Variants in SFMBT1 observed in about 807,000 individuals in gnomAD.
SFMBT1 encodes the protein Scm like with four mbt domains 1.
A neutral mutation model predicts 108.7 loss-of-function variants in SFMBT1; 32 were observed. The observed-to-expected ratio is 0.29, with a 90% CI of 0.22 to 0.40. The LOEUF is 0.40. Among genes scored for constraint, SFMBT1 ranks in the 10% least tolerant of loss-of-function variants. The pLI is 1.00. For synonymous variants in SFMBT1, 348 were observed against 369.5 expected, an observed-to-expected ratio of 0.94 and a Z score of 0.67; for missense variants, 816 against 1,059.6, an observed-to-expected ratio of 0.77 and a Z score of 3.19.
intron 16 of SFMBT1, among the ~76,000 whole-genome samples, chr3:52,911,447 T>C (rs1210754371): frequency 6.6e-6 from 1 of 152,204 alleles, no homozygotes; most frequent in Non-Finnish European, 1.5e-5. Context: ...GGTTTTCAAA[T>C]AGTAATTTCA....
At chr3:52,910,792 A>G (rs1036125570) in intron 17 of SFMBT1, among the ~76,000 whole-genome samples, 2 of 152,302 alleles carry the variant, frequency 1.3e-5, no homozygotes, top group African/African-American at 2.4e-5. Flanking sequence ...CCCGGCCAAA[A>G]GGGTTCTTAA....
chr3:53,008,302 C>T (rs982131910), intron 1 of SFMBT1, among the ~76,000 whole-genome samples: 8 of 152,234 alleles, frequency 5.3e-5, no homozygotes, highest in African/African-American at 1.9e-4. Flanking sequence ...AGGCGGACAA[C>T]TCCAACGGTT....
At chr3:53,023,787 G>T (rs1293651722) in intron 1 of SFMBT1, among the ~76,000 whole-genome samples, 1 of 152,098 alleles carries the variant, frequency 6.6e-6, no homozygotes, top group Non-Finnish European at 1.5e-5. Context: ...CTTTCTTTTT[G>T]TAAACAATTC....
At chr3:52,982,729 CAAAAAA>C (rs34099481) in intron 1 of SFMBT1, among the ~76,000 whole-genome samples, 9 of 69,108 alleles carry the variant, frequency 1.3e-4, no homozygotes, top group African/African-American at 3.2e-4. Context: ...ACTCCCATCT[CAAAAAA>C]AAAAAAAAAA....
chr3:52,907,164 T>A lies in SFMBT1; in HGVS notation c.2236A>T (p.Ile746Leu), dbSNP rs371159611. ...SCSSSPTQSEISTSLPPDRQR... is the reference protein window; with the variant it reads ...SCSSSPTQSELSTSLPPDRQR... ...CTATCTGGAGGCAGCGATGTGGATA[T>A]CTCACTTTGGGTGGGAGAAGAGGAG... is the stretch of plus-strand genomic sequence containing the variant. The change falls in exon 19 of 21, where the codon ATA (isoleucine) becomes TTA (leucine). Residue 746 changes from isoleucine to leucine, a missense_variant. By Grantham distance (5) the Ile-to-Leu change is conservative (BLOSUM62 2). Transcript: ENST00000394752. 2.5e-6 allele frequency: 4 copies of A among 1,614,082 alleles called. No individual in the cohort carries two copies. The African/African-American group carries it at 5.3e-5, about 22-fold the overall frequency.
intron 7 of SFMBT1, 103 bp downstream of exon 7, chr3:52,930,838 C>T: frequency 7.2e-6 from 6 of 833,138 alleles, no homozygotes; most frequent in Non-Finnish European, 1.2e-5. Flanking sequence ...GAGACCATGG[C>T]ATTCTTACCG....
intron 6 of SFMBT1, among the ~76,000 whole-genome samples, 171 bp downstream of exon 6, chr3:52,931,891 A>G (rs1702869846): frequency 6.6e-6 from 1 of 152,202 alleles, no homozygotes; most frequent in African/African-American, 2.4e-5. Context: ...ACAACAAAAA[A>G]GAAAAATAGG....
At chr3:53,039,812 C>G (rs749349638) in intron 1 of SFMBT1, among the ~76,000 whole-genome samples, 1 of 151,370 alleles carries the variant, frequency 6.6e-6, no homozygotes, top group African/African-American at 2.4e-5. Flanking sequence ...TTTTGGTATA[C>G]TTTTTTTTTA....
rs960070562 is a variant in SFMBT1, at chr3:52,997,535, C to CA, written c.-130-28278dup. 4.5e-4 allele frequency among the ~76,000 whole-genome samples: 58 copies of CA among 127,768 alleles called. 2 individuals are homozygous for CA. Among genetic ancestry groups the CA allele is most frequent in the Admixed American group, 8.1e-4 (10 of 12,418 alleles). 83.8% of individuals were successfully genotyped at this position (127,768 alleles called of 152,430 possible). A position where few individuals can be genotyped will look rare whatever the true frequency, so the allele number is the denominator to read the frequency against. ...TGGGTGACAGAGCGAGAGTCCATCT[C>CA]AAAAAAAAAAAGAAAAGGAATTATT... is the stretch of plus-strand genomic sequence containing the variant. On this transcript the variant is annotated intron_variant, in intron 1 of 20. Coordinates refer to ENST00000394752, the MANE Select transcript of SFMBT1 (RefSeq NM_016329.4).
At chr3:52,931,921 A>T (rs761681120) in intron 6 of SFMBT1, 141 bp downstream of exon 6, 1 of 962,834 alleles carries the variant, frequency 1.0e-6, no homozygotes, top group Non-Finnish European at 1.5e-6. Context: ...TAACAACTCC[A>T]TATAAACTGT....
At chr3:52,977,238 C>T (rs1216866363) in intron 1 of SFMBT1, among the ~76,000 whole-genome samples, 1 of 152,120 alleles carries the variant, frequency 6.6e-6, no homozygotes, top group Non-Finnish European at 1.5e-5. Flanking sequence ...AGGCTGGGAG[C>T]GGTGGCTAAC....
intron 1 of SFMBT1, among the ~76,000 whole-genome samples, chr3:52,981,428 G>A (rs968949491): frequency 9.2e-5 from 14 of 151,814 alleles, no homozygotes; most frequent in Non-Finnish European, 1.8e-4. Flanking sequence ...AATGGCATGA[G>A]CTCGGATCAC....
At chr3:52,956,419 C>T (rs1207395398) in intron 2 of SFMBT1, among the ~76,000 whole-genome samples, 1 of 152,102 alleles carries the variant, frequency 6.6e-6, no homozygotes, top group African/African-American at 2.4e-5. Context: ...GAGATCACGC[C>T]ACTGCACTCC....
intron 1 of SFMBT1, chr3:53,019,244 C>T (rs967085554): frequency 5.3e-5 from 8 of 152,106 alleles, no homozygotes; most frequent in Admixed American, 1.3e-4. Context: ...CTGCAGTGAG[C>T]TATGATTGTA....
chr3:52,977,500 G>A (rs549828184), intron 1 of SFMBT1, among the ~76,000 whole-genome samples: 5 of 151,462 alleles, frequency 3.3e-5, no homozygotes, highest in Admixed American at 6.6e-5. Context: ...GTGAGACTTC[G>A]TATCAAAAAA....
chr3:52,997,553 G>C (rs1231931781), intron 1 of SFMBT1, among the ~76,000 whole-genome samples: 1 of 149,622 alleles, frequency 6.7e-6, no homozygotes, highest in Non-Finnish European at 1.5e-5. Flanking sequence ...AAAAGAAAAG[G>C]AATTATTCTC....
chr3:52,939,461 C>A (rs1157430644), intron 4 of SFMBT1, among the ~76,000 whole-genome samples: 1 of 152,148 alleles, frequency 6.6e-6, no homozygotes, highest in Non-Finnish European at 1.5e-5. Context: ...GTAGTCCCAG[C>A]TACTCAGGAG....
intron 1 of SFMBT1, among the ~76,000 whole-genome samples, chr3:53,042,439 A>G (rs1700087394): frequency 6.6e-6 from 1 of 152,214 alleles, no homozygotes; most frequent in Non-Finnish European, 1.5e-5. Flanking sequence ...TCCTGGGCTC[A>G]AAGGATCCTC....
chr3:53,044,134 A>G (rs1033112972), intron 1 of SFMBT1, among the ~76,000 whole-genome samples: 1 of 152,196 alleles, frequency 6.6e-6, no homozygotes, highest in Non-Finnish European at 1.5e-5. Flanking sequence ...AAATAATCAT[A>G]TAAAACCATT....
Sources: gnomAD v4.1 joint callset for allele counts (sites outside exome capture counted in the v4.1 genomes callset) on GRCh38, gnomAD v4.1.1 for gene constraint, MANE v1.5 for transcripts, NCBI Gene and HGNC (gene_info 2026-07-23, HGNC 2026-07-21) for gene names.